Variants in ADD3 observed in about 807,000 individuals in gnomAD.
ADD3 encodes the protein gamma-adducin.
A neutral mutation model predicts 80.2 loss-of-function variants in ADD3; 25 were observed. That is an observed-to-expected ratio of 0.31 (90% CI 0.23 to 0.44). ADD3 has a LOEUF of 0.44. Ranked by LOEUF, ADD3 falls within the 20% of genes least tolerant of loss-of-function variation. The pLI is 1.00. For missense variants in ADD3, 829 were observed against 847.5 expected (o/e 0.98, Z 0.27); for synonymous variants, 284 against 289.6 (o/e 0.98, Z 0.20).
upstream of ADD3, chr10:110,006,253 T>C (rs899883950): frequency 6.6e-6 from 1 of 152,638 alleles, no homozygotes; most frequent in Admixed American, 6.5e-5. Context: ...TTATGTTAAT[T>C]TGTCTTCCTT....
chr10:110,012,511 A>G (rs1852446823), intron 1 of ADD3, among the ~76,000 whole-genome samples: 1 of 152,230 alleles, frequency 6.6e-6, no homozygotes, highest in Admixed American at 6.5e-5. Flanking sequence ...GCATTGAAGG[A>G]ATACATTTAG....
chr10:110,111,827 C>T (rs1399972680), intron 2 of ADD3, among the ~76,000 whole-genome samples: 4 of 151,852 alleles, frequency 2.6e-5, no homozygotes, highest in East Asian at 2.0e-4. Context: ...GCAGGAGAAT[C>T]GCTTCAACCC....
intron 1 of ADD3, among the ~76,000 whole-genome samples, chr10:110,081,558 CTT>C (rs1846061711): frequency 6.6e-6 from 1 of 152,152 alleles, no homozygotes; most frequent in South Asian, 2.1e-4. Context: ...GAGGCACACT[CTT>C]CTGTATGAGG....
intron 1 of ADD3, among the ~76,000 whole-genome samples, chr10:110,090,586 A>G (rs1383769172): frequency 2.0e-5 from 3 of 152,192 alleles, no homozygotes; most frequent in South Asian, 2.1e-4. Context: ...TGTTATGACT[A>G]CATCTAACTG....
chr10:110,079,424 TGATGAGA>T lies in ADD3; in HGVS notation c.-29-21198_-29-21192del, dbSNP rs1176790368. 18 of 119,160 alleles carry T rather than the reference TGATGAGA, an allele frequency of 1.5e-4. 1 individual carries two copies. Among genetic ancestry groups the T allele is most frequent in the Admixed American group, 1.2e-3 (13 of 10,846 alleles). The allele number at this position is 119,160 out of a possible 1,614,324, so 7.4% of individuals were successfully genotyped here. A position where few individuals can be genotyped will look rare whatever the true frequency, so the allele number is the denominator to read the frequency against. ...GAAGGGAATTTATTTTTCAAAAAAATGATGAGAGAGAGAGAGAGAGAGAGAGAGAGAG... is the reference window on the plus strand; with the variant it reads ...GAAGGGAATTTATTTTTCAAAAAAATGAGAGAGAGAGAGAGAGAGAGAGAG... On this transcript the variant is annotated intron_variant, in intron 1 of 14. Transcript: ENST00000356080.
chr10:110,061,390 C>T (rs1274363717), intron 1 of ADD3, among the ~76,000 whole-genome samples: 2 of 152,092 alleles, frequency 1.3e-5, no homozygotes, highest in African/African-American at 4.8e-5. Context: ...TGTGTATGTC[C>T]CCTTAATGCT....
At chr10:110,003,073 T>A (rs981188085), upstream of ADD3, among the ~76,000 whole-genome samples, 1 of 152,214 alleles carries the variant, frequency 6.6e-6, no homozygotes. Context: ...GAATGGCTCA[T>A]CTAACTCCAC....
chr10:110,100,132 A>G (rs535914725), intron 1 of ADD3, among the ~76,000 whole-genome samples: 2 of 152,290 alleles, frequency 1.3e-5, no homozygotes, highest in East Asian at 3.9e-4. Context: ...GCAGACCATG[A>G]GATCAGTAGT....
chr10:109,996,796 G>A (rs1027877917), intron 1 of ADD3, among the ~76,000 whole-genome samples: 7 of 152,182 alleles, frequency 4.6e-5, no homozygotes, highest in African/African-American at 1.7e-4. Context: ...TAAATCATGC[G>A]TTAAACTTTC....
intron 1 of ADD3, among the ~76,000 whole-genome samples, chr10:110,034,192 C>G (rs1013737272): frequency 6.6e-6 from 1 of 152,012 alleles, no homozygotes; most frequent in African/African-American, 2.4e-5. Context: ...CATTTTGGAA[C>G]TACTACAATT....
chr10:110,105,589 A>G (rs570360641), intron 2 of ADD3, among the ~76,000 whole-genome samples: 1 of 152,328 alleles, frequency 6.6e-6, no homozygotes, highest in Admixed American at 6.5e-5. Flanking sequence ...AGCAGTTTAG[A>G]CTGGTTGACA....
At chr10:110,061,449 T>C (rs73349499) in intron 1 of ADD3, among the ~76,000 whole-genome samples, 2 of 152,206 alleles carry the variant, frequency 1.3e-5, no homozygotes, top group African/African-American at 4.8e-5. Flanking sequence ...GAGTCAGCTT[T>C]CCTTTGGGAA....
In ADD3 at chr10:110,073,137, TC is replaced by T. The variant is rs140836111; in HGVS notation, c.-29-27487del. ...GCTTAACCTCTTTGAGTTTTAGTTT[TC>T]TTTTTTTTTTTTTTTTTTTTTCGAG... On this transcript the variant is annotated intron_variant, in intron 1 of 14. Coordinates refer to ENST00000356080, the MANE Select transcript of ADD3 (RefSeq NM_016824.5). Among the ~76,000 whole-genome samples, 30 of 145,186 alleles carry T rather than the reference TC, an allele frequency of 2.1e-4. 1 individual carries two copies. Among genetic ancestry groups the T allele is most frequent in the Non-Finnish European group, 3.9e-4 (26 of 67,132 alleles).
At chr10:110,065,488 GTCTCTCTCTCTC>G (rs67149777) in intron 1 of ADD3, among the ~76,000 whole-genome samples, 2 of 108,474 alleles carry the variant, frequency 1.8e-5, no homozygotes, top group Non-Finnish European at 3.9e-5. Flanking sequence ...GTCTCTGTCT[GTCTCTCTCTCTC>G]TCTCTCTCTC....
At chr10:110,014,740 T>G (rs1185075150) in intron 1 of ADD3, among the ~76,000 whole-genome samples, 1 of 151,950 alleles carries the variant, frequency 6.6e-6, no homozygotes, top group Non-Finnish European at 1.5e-5. Flanking sequence ...TTGGTCAGGC[T>G]GGTCTCGAAC....
chr10:110,130,610 C>G (rs777960498), intron 13 of ADD3, 124 bp downstream of exon 13: 6 of 1,020,950 alleles, frequency 5.9e-6, no homozygotes, highest in Non-Finnish European at 8.4e-6. Context: ...AATCCCAGCA[C>G]TTTGGGAGAC....
intron 1 of ADD3, among the ~76,000 whole-genome samples, chr10:110,055,646 CAG>C (rs1181060613): frequency 1.3e-5 from 2 of 152,116 alleles, no homozygotes; most frequent in Non-Finnish European, 2.9e-5. Flanking sequence ...AGGCAGGCAT[CAG>C]AGTCTTTGAT....
At chr10:110,039,991 A>G (rs1305295896) in intron 1 of ADD3, among the ~76,000 whole-genome samples, 1 of 152,146 alleles carries the variant, frequency 6.6e-6, no homozygotes, top group Non-Finnish European at 1.5e-5. Context: ...TTTTAAAATA[A>G]TCTCATCTTG....
At chr10:110,100,900 A>G in intron 2 of ADD3, 52 bp downstream of exon 2, 1 of 1,493,568 alleles carries the variant, frequency 6.7e-7, no homozygotes, top group East Asian at 2.5e-5. Flanking sequence ...AAATGTTAGT[A>G]TAATAAGGTA....
Sources: allele counts gnomAD v4.1 joint callset (sites outside exome capture counted in the v4.1 genomes callset), GRCh38; gene constraint gnomAD v4.1.1; transcripts MANE v1.5; gene names NCBI Gene and HGNC (gene_info 2026-07-23, HGNC 2026-07-21).